Variants in ZNF469 observed in about 807,000 individuals in gnomAD.
ZNF469 encodes zinc finger protein 469.
A neutral mutation model predicts 1.0 loss-of-function variants in ZNF469; 1 was observed. The ratio of observed to expected loss-of-function variants is 1.00; its 90% confidence interval spans 0.35 to 4.73. ZNF469 has a LOEUF of 4.73. ZNF469 is among the 30% of genes most tolerant of loss of function. ZNF469 has a pLI of 0.16. For missense variants in ZNF469, 6,100 were observed against 5,356.3 expected, an observed-to-expected ratio of 1.14 and a Z score of -4.33; for synonymous variants, 2,703 against 2,363.4, an observed-to-expected ratio of 1.14 and a Z score of -4.17.
chr16:88,366,504 CATCACTATCATCATT>C, the ZNF469 span, among the ~76,000 whole-genome samples: 2 of 145,894 alleles, frequency 1.4e-5, no homozygotes, highest in African/African-American at 5.1e-5. Flanking sequence ...CCACCATCAC[CATCACTATCATCATT>C]ATCACCATCA....
chr16:88,115,527 G>T, the ZNF469 span, among the ~76,000 whole-genome samples: 1 of 151,872 alleles, frequency 6.6e-6, no homozygotes, highest in South Asian at 2.1e-4. Context: ...ATGGCCATGG[G>T]CTCCGCTAAA....
At chr16:88,302,222 C>A in the ZNF469 span, among the ~76,000 whole-genome samples, 3 of 152,226 alleles carry the variant, frequency 2.0e-5, no homozygotes, top group Non-Finnish European at 4.4e-5. Flanking sequence ...CCGTCTGACC[C>A]GCTGTTCCCG....
the ZNF469 span, among the ~76,000 whole-genome samples, chr16:88,197,562 G>T: frequency 6.6e-6 from 1 of 152,208 alleles, no homozygotes; most frequent in Admixed American, 6.5e-5. Context: ...CATTGTATTA[G>T]TCATCCACTG....
the ZNF469 span, among the ~76,000 whole-genome samples, chr16:88,181,021 T>G: frequency 6.6e-6 from 1 of 152,016 alleles, no homozygotes. Flanking sequence ...TCATCCAAAT[T>G]GATTGATTTG....
the ZNF469 span, among the ~76,000 whole-genome samples, chr16:88,293,441 G>A: frequency 6.6e-6 from 1 of 152,022 alleles, no homozygotes; most frequent in Non-Finnish European, 1.5e-5. Flanking sequence ...AAATCGGTAC[G>A]TGGTAAATGG....
At position 88,435,258 on chromosome 16, in the gene ZNF469, G is replaced by GACCAT; in HGVS notation, c.7788_7789insACCAT (p.Ala2597ThrfsTer44). 1 of 1,550,402 alleles carries GACCAT rather than the reference G, an allele frequency of 6.4e-7. No individual in the cohort carries two copies. Among genetic ancestry groups the GACCAT allele is most frequent in the Non-Finnish European group, 8.7e-7 (1 of 1,146,994 alleles). Reference sequence around the variant, plus strand: ...CGGCCTCCAAGCCCAGACCAGACCAGGCCAGGGAAGATGAGCTGCATCCCA... The same window carrying GACCAT: ...CGGCCTCCAAGCCCAGACCAGACCAGACCATGCCAGGGAAGATGAGCTGCATCCCA... On this transcript the variant is annotated frameshift_variant, in exon 3 of 3. Transcript: ENST00000565624. LOFTEE classifies it low-confidence loss of function (END_TRUNC).
chr16:88,205,023 C>A, the ZNF469 span, among the ~76,000 whole-genome samples: 1 of 152,224 alleles, frequency 6.6e-6, no homozygotes, highest in South Asian at 2.1e-4. This position sits in a 1 kb window ranked among gnomAD's most constrained non-coding sequence, Gnocchi z 4.2. Context: ...GGGGCAGCGC[C>A]GAGGGAGCAG....
chr16:88,208,271 TGCGCTTTCCCTGTTGCGTGCTGCAATCTG>T, the ZNF469 span, among the ~76,000 whole-genome samples: 2 of 151,936 alleles, frequency 1.3e-5, no homozygotes, highest in African/African-American at 4.8e-5. Context: ...CAAGCTCATC[TGCGCTTTCCCTGTTGCGTGCTGCAATCTG>T]GCGCTTTCCC....
the ZNF469 span, among the ~76,000 whole-genome samples, chr16:88,110,134 A>G: frequency 6.6e-6 from 1 of 152,192 alleles, no homozygotes; most frequent in African/African-American, 2.4e-5. Context: ...AATCATTAAC[A>G]CTTCTTCAGA....
chr16:88,389,706 CCAGGATTCAAACTGGGAATGGGGCT>C (rs1264646354), intron 1 of ZNF469, among the ~76,000 whole-genome samples: 2 of 152,140 alleles, frequency 1.3e-5, no homozygotes, highest in Non-Finnish European at 2.9e-5. Flanking sequence ...GGGAATGGGG[CCAGGATTCAAACTGGGAATGGGGCT>C]CAGGATTCCC....
At chr16:88,233,364 T>G in the ZNF469 span, among the ~76,000 whole-genome samples, 1 of 152,258 alleles carries the variant, frequency 6.6e-6, no homozygotes, top group South Asian at 2.1e-4. Context: ...CAATTCCTTT[T>G]GTCCCTGCCT....
At chr16:88,281,902 G>A in the ZNF469 span, among the ~76,000 whole-genome samples, 1 of 152,252 alleles carries the variant, frequency 6.6e-6, no homozygotes, top group African/African-American at 2.4e-5. Context: ...CTGATGCTTG[G>A]TCAGTAGTGT....
chr16:88,328,165 G>A, the ZNF469 span, among the ~76,000 whole-genome samples: 2 of 152,264 alleles, frequency 1.3e-5, no homozygotes, highest in African/African-American at 2.4e-5. Context: ...CTTCTCGCCC[G>A]GGGCTGCTGT....
the ZNF469 span, among the ~76,000 whole-genome samples, chr16:88,291,178 A>AC: frequency 6.6e-6 from 1 of 152,112 alleles, no homozygotes. Context: ...GGCTCCTCAG[A>AC]CCCACCTGGA....
chr16:88,196,389 C>T, the ZNF469 span, among the ~76,000 whole-genome samples: 3 of 152,088 alleles, frequency 2.0e-5, no homozygotes, highest in East Asian at 5.8e-4. Context: ...GCAAAGCCAT[C>T]GGGGGGAAAT....
In ZNF469 at chr16:88,436,408, G is replaced by A. The variant is rs746790100; in HGVS notation, c.8938G>A (p.Glu2980Lys). 33 of 1,549,340 alleles carry A rather than the reference G, an allele frequency of 2.1e-5. No individual in the cohort carries two copies. Among genetic ancestry groups the A allele is most frequent in the South Asian group, 1.8e-4 (15 of 84,060 alleles). Residue 2980 changes from glutamate to lysine, a missense_variant, in exon 3 of 3, where the codon GAG becomes AAG. Physicochemically the swap from Glu to Lys is moderately conservative, Grantham distance 56 (BLOSUM62 1). Coordinates refer to ENST00000565624, the MANE Select transcript of ZNF469 (RefSeq NM_001367624.2). Reference protein sequence around the residue: ...GAEKLPSHCPEDDRPEAIPEL... With the variant: ...GAEKLPSHCPKDDRPEAIPEL... ...AGAGAAGCTGCCCTCCCACTGCCCCGAGGACGATCGGCCGGAGGCCATTCC... is the reference window on the plus strand; with the variant it reads ...AGAGAAGCTGCCCTCCCACTGCCCCAAGGACGATCGGCCGGAGGCCATTCC...
the ZNF469 span, among the ~76,000 whole-genome samples, chr16:88,176,868 G>A: frequency 1.4e-4 from 21 of 152,374 alleles, no homozygotes; most frequent in African/African-American, 4.3e-4. Context: ...GATGCAGCAC[G>A]GAACACGTAC....
chr16:88,148,948 G>A, the ZNF469 span, among the ~76,000 whole-genome samples: 1 of 152,184 alleles, frequency 6.6e-6, no homozygotes, highest in East Asian at 1.9e-4. Flanking sequence ...TCTGGCCGTG[G>A]CTGGGTGGCA....
the ZNF469 span, among the ~76,000 whole-genome samples, chr16:88,171,403 A>G: frequency 6.6e-6 from 1 of 152,222 alleles, no homozygotes; most frequent in Admixed American, 6.5e-5. Flanking sequence ...AGCTCAGTGT[A>G]AGAACTTGCT....
Sources: allele counts gnomAD v4.1 joint callset (sites outside exome capture counted in the v4.1 genomes callset), GRCh38; gene constraint gnomAD v4.1.1; non-coding constraint Gnocchi (gnomAD v3.1); transcripts MANE v1.5; gene names NCBI Gene and HGNC (gene_info 2026-07-23, HGNC 2026-07-21).